Variants in CHIA observed in about 807,000 individuals in gnomAD.
CHIA encodes acidic mammalian chitinase.
Under a neutral mutation model 53.5 loss-of-function variants are expected in CHIA, and 47 were observed. The observed-to-expected ratio is 0.88, with a 90% CI of 0.70 to 1.12. The LOEUF (loss-of-function observed/expected upper bound fraction) is 1.12, where lower values mean the gene tolerates loss of function less well. Ranked by LOEUF, CHIA falls within the 50% of genes most tolerant of loss-of-function variation. CHIA has a pLI of 0.00. For synonymous variants in CHIA, 268 were observed against 222.2 expected, an observed-to-expected ratio of 1.21 and a Z score of -1.83; for missense variants, 652 against 592.2, an observed-to-expected ratio of 1.10 and a Z score of -1.05.
chr1:111,316,450 G>T (rs866699101), intron 6 of CHIA: 3 of 152,308 alleles, frequency 2.0e-5, no homozygotes, highest in African/African-American at 4.8e-5. Flanking sequence ...AGAAGAGGAT[G>T]TATATAAGAG....
At chr1:111,298,284 AATATAC>A (rs1263752770) in intron 1 of CHIA, among the ~76,000 whole-genome samples, 1 of 152,222 alleles carries the variant, frequency 6.6e-6, no homozygotes, top group Non-Finnish European at 1.5e-5. Flanking sequence ...AAATCAACAG[AATATAC>A]ATTCTTCTCA....
chr1:111,303,447 A>G (rs1647923970), intron 1 of CHIA, among the ~76,000 whole-genome samples: 1 of 152,084 alleles, frequency 6.6e-6, no homozygotes, highest in Admixed American at 6.5e-5. Context: ...ACACATGTAT[A>G]CACACATATA....
intron 11 of CHIA, 147 bp from the exon 12 acceptor site, chr1:111,320,066 G>A (rs1191321638): frequency 3.0e-6 from 2 of 661,604 alleles, no homozygotes; most frequent in African/African-American, 3.6e-5. Flanking sequence ...CCTGAATATG[G>A]AGCTACTTTC....
intron 1 of CHIA, among the ~76,000 whole-genome samples, chr1:111,292,811 A>T (rs1661106770): frequency 6.6e-6 from 1 of 152,162 alleles, no homozygotes; most frequent in Admixed American, 6.5e-5. Flanking sequence ...GACTATTCTA[A>T]GTATCTCACA....
rs117557502 is a variant in CHIA, at chr1:111,311,776, T to A, written c.55+58T>A. The A allele has an allele frequency of 1.3e-4, 206 of 1,569,008 alleles. No homozygotes were observed. In the East Asian group the frequency reaches 4.5e-3, roughly 34 times the overall value. On this transcript the variant is annotated intron_variant, in intron 3 of 11. Transcript: ENST00000369740. ...TGTATATATACGAGATAAACCATAC[T>A]ATGGAAAGAGAGCCGCTGTTTGCTT... is the stretch of plus-strand genomic sequence containing the variant.
chr1:111,294,704 G>A (rs1279617402), intron 1 of CHIA, among the ~76,000 whole-genome samples: 1 of 152,156 alleles, frequency 6.6e-6, no homozygotes, highest in Non-Finnish European at 1.5e-5. Context: ...TTATTATATT[G>A]AGGTAGTTTG....
intron 1 of CHIA, among the ~76,000 whole-genome samples, chr1:111,292,416 G>A (rs1467702045): frequency 3.9e-5 from 6 of 152,176 alleles, no homozygotes; most frequent in Admixed American, 3.9e-4. Context: ...CAACCTTTGT[G>A]CTGGACAGAT....
At chr1:111,314,165 A>T (rs1648945392) in intron 4 of CHIA, among the ~76,000 whole-genome samples, 1 of 152,206 alleles carries the variant, frequency 6.6e-6, no homozygotes, top group Non-Finnish European at 1.5e-5. Flanking sequence ...TTTCAAGCCA[A>T]TTAATTTATT....
In CHIA at chr1:111,320,285, G is replaced by A; in HGVS notation, c.1250G>A (p.Ser417Asn). ...APSGSGNGSG[S>N]SSSGGSSGGS... is the part of the protein sequence containing the mutation. The stretch of plus-strand genomic sequence containing the variant: ...AGTGGCAGCGGGAACGGGAGCGGGA[G>A]TAGCAGCTCTGGAGGCAGCTCGGGA... The change falls in exon 12 of 12, where the codon AGT (serine) becomes AAT (asparagine). Residue 417 changes from serine (S) to asparagine (N), a missense_variant. Physicochemically the swap from Ser to Asn is conservative, Grantham distance 46. Coordinates refer to ENST00000369740, the MANE Select transcript of CHIA (RefSeq NM_201653.4). The A allele has an allele frequency of 6.2e-7, 1 of 1,614,238 alleles. No homozygotes were observed. The highest frequency in any genetic ancestry group is 8.5e-7 in the Non-Finnish European group (1 of 1,180,044).
rs777577154 is a variant in CHIA, at chr1:111,319,419, G to T, written c.1128G>T (p.Lys376Asn). 1 of 1,614,182 alleles carries T rather than the reference G, an allele frequency of 6.2e-7. No homozygotes were observed. The highest frequency in any genetic ancestry group is 8.5e-7 in the Non-Finnish European group (1 of 1,180,026). The part of the protein sequence containing the change: ...DFTGTFCNQG[K>N]FPLISTLKKA... Reference sequence around the variant, plus strand: ...CTGGCACTTTCTGCAACCAGGGCAAGTTTCCCCTAATCTCCACCCTGAAGA... The same window carrying T: ...CTGGCACTTTCTGCAACCAGGGCAATTTTCCCCTAATCTCCACCCTGAAGA... The change falls in exon 11 of 12, where the codon AAG (lysine) becomes AAT (asparagine). Residue 376 changes from lysine to asparagine, a missense_variant. Transcript: ENST00000369740.
At chr1:111,309,633 T>C (rs7545065) in intron 1 of CHIA, among the ~76,000 whole-genome samples, 1 of 152,118 alleles carries the variant, frequency 6.6e-6, no homozygotes, top group South Asian at 2.1e-4. Flanking sequence ...CAAAGAATAG[T>C]CCTTTGGCCA....
At position 111,317,790 on chromosome 1, in the gene CHIA, T is replaced by C. The variant is rs755110105; in HGVS notation, c.590T>C (p.Ile197Thr). ...TCCAATATCCAGTCTGGCTATGAGA[T>C]CCCCCAACTGTCACAGTGAGTGATG... ...GISNIQSGYE[I>T]PQLSQYLDYI... is the part of the protein sequence containing the mutation. The change falls in exon 7 of 12, where the codon ATC (isoleucine) becomes ACC (threonine). Residue 197 changes from isoleucine to threonine, a missense_variant. Coordinates refer to ENST00000369740, the MANE Select transcript of CHIA (RefSeq NM_201653.4). 6.2e-7 allele frequency: 1 copy of C among 1,613,384 alleles called. No individual in the cohort carries two copies. The highest frequency in any genetic ancestry group is 1.3e-5 in the African/African-American group (1 of 74,898).
chr1:111,315,314 T>A lies in CHIA; in HGVS notation c.359T>A (p.Ile120Asn). 1 of 1,613,274 alleles carries A rather than the reference T, an allele frequency of 6.2e-7. No homozygotes were observed. Among genetic ancestry groups the A allele is most frequent in the Non-Finnish European group, 8.5e-7 (1 of 1,179,918 alleles). Reference sequence around the variant, plus strand: ...ACTCCTGAGAACCGCCAGACTTTCATCACCTCAGTCATCAAATTCCTGCGC... The same window carrying A: ...ACTCCTGAGAACCGCCAGACTTTCAACACCTCAGTCATCAAATTCCTGCGC... The part of the protein sequence containing the change: ...VSTPENRQTF[I>N]TSVIKFLRQY... Residue 120 changes from isoleucine (I) to asparagine (N), a missense_variant, in exon 6 of 12, where the codon ATC (isoleucine) becomes AAC (asparagine). Ile to Asn is a moderately radical substitution (Grantham distance 149). Transcript: ENST00000369740.
At chr1:111,297,334 G>T (rs1571263814) in intron 1 of CHIA, among the ~76,000 whole-genome samples, 1 of 152,078 alleles carries the variant, frequency 6.6e-6, no homozygotes, top group Non-Finnish European at 1.5e-5. Flanking sequence ...AGAAAGGTCG[G>T]GTTACCCACA....
At chr1:111,311,880 T>C (rs1470010785) in intron 3 of CHIA, among the ~76,000 whole-genome samples, 162 bp downstream of exon 3, 1 of 152,066 alleles carries the variant, frequency 6.6e-6, no homozygotes, top group African/African-American at 2.4e-5. Context: ...AGCATGACCA[T>C]CTGAATTATA....
intron 1 of CHIA, among the ~76,000 whole-genome samples, chr1:111,305,839 T>C (rs575758175): frequency 1.3e-5 from 2 of 152,230 alleles, no homozygotes; most frequent in East Asian, 1.9e-4. Context: ...TCAGATGACA[T>C]AGAAACCAAA....
intron 6 of CHIA, chr1:111,316,394 A>G (rs1649161331): frequency 6.5e-6 from 1 of 153,184 alleles, no homozygotes; most frequent in Admixed American, 6.5e-5. Context: ...CAGTAAATCA[A>G]GCAAGAAATG....
intron 1 of CHIA, among the ~76,000 whole-genome samples, chr1:111,308,707 C>T (rs961281944): frequency 2.0e-5 from 3 of 152,114 alleles, no homozygotes; most frequent in African/African-American, 7.2e-5. Flanking sequence ...TAATTCTTGT[C>T]ATTCATAGAT....
intron 3 of CHIA, 76 bp from the exon 4 acceptor site, chr1:111,312,114 A>G: frequency 1.7e-6 from 2 of 1,184,720 alleles, no homozygotes; most frequent in Non-Finnish European, 2.5e-6. Context: ...AGGGAAACAG[A>G]GGCAAGGCCA....
Sources: allele counts gnomAD v4.1 joint callset (sites outside exome capture counted in the v4.1 genomes callset), GRCh38; gene constraint gnomAD v4.1.1; transcripts MANE v1.5; gene names NCBI Gene and HGNC (gene_info 2026-07-23, HGNC 2026-07-21).